TFAP2D: variants seen among roughly 807,000 people sequenced by gnomAD.
TFAP2D encodes transcription factor AP-2 delta, also known as transcription factor AP-2-delta.
In TFAP2D, 9 loss-of-function variants were observed where a neutral mutation model predicts 43.6. The observed-to-expected ratio is 0.21, with a 90% CI of 0.12 to 0.36. The LOEUF (loss-of-function observed/expected upper bound fraction) is 0.36, where lower values mean the gene tolerates loss of function less well. Among genes scored for constraint, TFAP2D ranks in the 10% least tolerant of loss-of-function variants. The probability of loss-of-function intolerance (pLI) is 1.00; values close to 1 mark genes in which losing one functional copy is unlikely to be tolerated. For missense variants in TFAP2D, 513 were observed against 561.4 expected (o/e 0.91, Z 0.87); for synonymous variants, 256 against 224.9 (o/e 1.14, Z -1.24).
intron 2 of TFAP2D, among the ~76,000 whole-genome samples, chr6:50,718,702 C>T (rs1289802311): frequency 6.6e-6 from 1 of 152,150 alleles, no homozygotes; most frequent in Non-Finnish European, 1.5e-5. Context: ...AACCCACAGT[C>T]CCAGACTTGA....
At chr6:50,754,650 A>ATCTTC (rs1315243271) in intron 7 of TFAP2D, among the ~76,000 whole-genome samples, 7 of 151,962 alleles carry the variant, frequency 4.6e-5, no homozygotes, top group African/African-American at 1.7e-4. Context: ...ATTTCTCCAT[A>ATCTTC]TCTTCACCAA....
chr6:50,769,672 T>A (rs994136274), intron 7 of TFAP2D, among the ~76,000 whole-genome samples: 4 of 152,196 alleles, frequency 2.6e-5, no homozygotes, highest in Admixed American at 6.5e-5. Context: ...AGTACAAAGT[T>A]AAGTCAGAGG....
intron 5 of TFAP2D, 87 bp from the exon 6 acceptor site, chr6:50,745,020 A>T: frequency 6.7e-7 from 1 of 1,503,504 alleles, no homozygotes; most frequent in Non-Finnish European, 9.0e-7. Flanking sequence ...GACCACAGCC[A>T]GGAGTGAGGC....
intron 7 of TFAP2D, among the ~76,000 whole-genome samples, chr6:50,756,434 G>T (rs1581775431): frequency 6.6e-6 from 1 of 152,150 alleles, no homozygotes; most frequent in Non-Finnish European, 1.5e-5. Flanking sequence ...CCTTCCTAAT[G>T]CAGACCACTT....
chr6:50,728,677 C>A (rs576257269), intron 3 of TFAP2D, among the ~76,000 whole-genome samples, 179 bp from the exon 4 acceptor site: 2 of 152,252 alleles, frequency 1.3e-5, no homozygotes, highest in East Asian at 3.9e-4. Context: ...AAAGACATGA[C>A]CCTGAGTAGT....
At chr6:50,727,767 G>A (rs1294339973) in intron 3 of TFAP2D, among the ~76,000 whole-genome samples, 2 of 152,002 alleles carry the variant, frequency 1.3e-5, no homozygotes, top group East Asian at 1.9e-4. Context: ...AATTTGCCTC[G>A]GACCCTTAAA....
intron 5 of TFAP2D, among the ~76,000 whole-genome samples, chr6:50,743,945 TTGG>T (rs1769090069): frequency 1.3e-5 from 2 of 152,178 alleles, no homozygotes; most frequent in Non-Finnish European, 2.9e-5. Context: ...CAGGCAATCT[TTGG>T]TACTCTTTTA....
At chr6:50,740,389 T>G (rs192397391) in intron 5 of TFAP2D, among the ~76,000 whole-genome samples, 1 of 152,096 alleles carries the variant, frequency 6.6e-6, no homozygotes, top group South Asian at 2.1e-4. Flanking sequence ...GTAAAGTAAT[T>G]TTTTTAAAAA....
intron 5 of TFAP2D, among the ~76,000 whole-genome samples, chr6:50,729,664 A>G (rs978850862): frequency 4.6e-5 from 7 of 152,152 alleles, no homozygotes; most frequent in Admixed American, 3.9e-4. Flanking sequence ...AACTTAACCC[A>G]TTGTAATTCA....
intron 7 of TFAP2D, among the ~76,000 whole-genome samples, chr6:50,758,557 C>T (rs550086775): frequency 6.6e-6 from 1 of 151,970 alleles, no homozygotes; most frequent in African/African-American, 2.4e-5. Context: ...ATGTGACATG[C>T]CTTACAGTCA....
At chr6:50,732,960 C>G (rs1768914059) in intron 5 of TFAP2D, among the ~76,000 whole-genome samples, 1 of 152,006 alleles carries the variant, frequency 6.6e-6, no homozygotes, top group Non-Finnish European at 1.5e-5. Context: ...AGCCATTATT[C>G]TTAGAAATCA....
At chr6:50,758,759 C>T (rs1204535075) in intron 7 of TFAP2D, among the ~76,000 whole-genome samples, 1 of 151,930 alleles carries the variant, frequency 6.6e-6, no homozygotes, top group African/African-American at 2.4e-5. Flanking sequence ...CAACGGCGGG[C>T]AGTTTTCTTC....
chr6:50,731,477 G>A (rs1488165240), intron 5 of TFAP2D, among the ~76,000 whole-genome samples: 2 of 150,188 alleles, frequency 1.3e-5, no homozygotes, highest in African/African-American at 2.5e-5. Flanking sequence ...CACACACATT[G>A]AAGTTTTAGT....
chr6:50,743,539 C>T (rs139531354), intron 5 of TFAP2D, among the ~76,000 whole-genome samples: 171 of 152,054 alleles, frequency 1.1e-3, no homozygotes, highest in Admixed American at 2.6e-3. Flanking sequence ...TGCACCACCA[C>T]ATCTGACTAA....
At chr6:50,753,162 C>A (rs1769222010) in intron 7 of TFAP2D, among the ~76,000 whole-genome samples, 1 of 151,812 alleles carries the variant, frequency 6.6e-6, no homozygotes, top group Non-Finnish European at 1.5e-5. Flanking sequence ...AGGTTTGATT[C>A]CGGATTTAAA....
In TFAP2D at chr6:50,744,865, T is replaced by C. The variant is rs1769101980; in HGVS notation, c.884-242T>C. 2.6e-5 allele frequency among the ~76,000 whole-genome samples: 4 copies of C among 152,096 alleles called. No individual in the cohort carries two copies. In the South Asian group the frequency reaches 8.3e-4, roughly 31 times the overall value. On this transcript the variant is annotated intron_variant, in intron 5 of 7. Transcript: ENST00000008391. ...CACTTCTGGATTGTGTTTCTGTTTTTTTCCCCTCAATTTTCCACCTATCCC... is the reference window on the plus strand; with the variant it reads ...CACTTCTGGATTGTGTTTCTGTTTTCTTCCCCTCAATTTTCCACCTATCCC...
At position 50,751,301 on chromosome 6, in the gene TFAP2D, C is replaced by T. The variant is rs769511545; in HGVS notation, c.1116C>T (p.Ile372=). 1.9e-6 allele frequency: 3 copies of T among 1,610,856 alleles called. No homozygotes were observed. The African/African-American group carries it at 4.0e-5, about 22-fold the overall frequency. The change falls in exon 7 of 8, where the codon ATC becomes ATT. Residue 372 remains isoleucine (I), a synonymous_variant. Transcript: ENST00000008391. The part of the protein sequence containing the change: ...SRPTPILDLD[I]QRHLTHFSLI... ...CCACTCCAATTCTAGACCTTGACAT[C>T]CAGAGACATTTAACACATTTCAGGT...
chr6:50,714,009 T>A lies in TFAP2D; in HGVS notation c.-47T>A. On this transcript the variant is annotated 5_prime_UTR_variant, in exon 1 of 8. Coordinates refer to ENST00000008391, the MANE Select transcript of TFAP2D (RefSeq NM_172238.4). ...GTTTGGATTTTTTTTTCCCGATTCT[T>A]TTTTTGGAGGGGGAAATTGCATCGT... The A allele has an allele frequency of 1.9e-6, 3 of 1,609,854 alleles. No homozygotes were observed. Among genetic ancestry groups the A allele is most frequent in the Middle Eastern group, 3.3e-4 (2 of 6,036 alleles).
chr6:50,725,894 T>C (rs760899), intron 3 of TFAP2D, among the ~76,000 whole-genome samples: 70,830 of 152,002 alleles, frequency 0.47, 16,914 homozygotes, highest in African/African-American at 0.55. Context: ...TTCCCCAAGG[T>C]TGCAGCAATG....
Sources: allele counts gnomAD v4.1 joint callset (sites outside exome capture counted in the v4.1 genomes callset), GRCh38; gene constraint gnomAD v4.1.1; transcripts MANE v1.5; gene names NCBI Gene and HGNC (gene_info 2026-07-23, HGNC 2026-07-21).